HGD: variants seen among roughly 807,000 people sequenced by gnomAD.
HGD encodes homogentisate oxidase.
A neutral mutation model predicts 60.8 loss-of-function variants in HGD; 61 were observed. That is an observed-to-expected ratio of 1.00 (90% CI 0.82 to 1.24). The LOEUF is 1.24. HGD is among the 50% of genes most tolerant of loss of function. The pLI is 0.00. For missense variants in HGD, 542 were observed against 547.1 expected, an observed-to-expected ratio of 0.99 and a Z score of 0.09; for synonymous variants, 212 against 187.7, an observed-to-expected ratio of 1.13 and a Z score of -1.06.
intron 1 of HGD, among the ~76,000 whole-genome samples, chr3:120,677,620 G>A (rs980852427): frequency 5.9e-5 from 9 of 152,152 alleles, no homozygotes; most frequent in Admixed American, 5.2e-4. Context: ...ATTTCGCCTC[G>A]GTCCTGTGGT....
chr3:120,632,140 T>G (rs1209026444), intron 13 of HGD, among the ~76,000 whole-genome samples: 1 of 152,184 alleles, frequency 6.6e-6, no homozygotes, highest in East Asian at 1.9e-4. Context: ...AATGGGACTC[T>G]GAACACCCTC....
chr3:120,658,715 C>G (rs1559794192), intron 4 of HGD, among the ~76,000 whole-genome samples: 1 of 152,228 alleles, frequency 6.6e-6, no homozygotes, highest in East Asian at 1.9e-4. Context: ...TCTCTGTGAG[C>G]ACTCCGCCCC....
intron 11 of HGD, among the ~76,000 whole-genome samples, chr3:120,640,061 C>T (rs1940918873): frequency 1.3e-5 from 2 of 149,788 alleles, no homozygotes; most frequent in African/African-American, 4.9e-5. Flanking sequence ...TCAAGGAAGG[C>T]TTCAAAGAGG....
chr3:120,675,102 T>A (rs964296521), intron 2 of HGD, 113 bp from the exon 3 acceptor site: 2 of 733,810 alleles, frequency 2.7e-6, no homozygotes, highest in African/African-American at 3.4e-5. Flanking sequence ...CACATGACCA[T>A]CTGCAACCCG....
chr3:120,667,027 C>A (rs1707913824), intron 4 of HGD, among the ~76,000 whole-genome samples: 1 of 151,906 alleles, frequency 6.6e-6, no homozygotes, highest in Non-Finnish European at 1.5e-5. Context: ...TTTACTCATA[C>A]AATCAGACAA....
At chr3:120,673,208 T>C (rs1167492874) in intron 3 of HGD, among the ~76,000 whole-genome samples, 1 of 152,120 alleles carries the variant, frequency 6.6e-6, no homozygotes, top group African/African-American at 2.4e-5. Context: ...TTAGCTGAGT[T>C]TATAAAACTC....
chr3:120,640,185 C>A (rs1300465612), intron 11 of HGD, among the ~76,000 whole-genome samples: 3 of 131,570 alleles, frequency 2.3e-5, no homozygotes, highest in African/African-American at 8.5e-5. Flanking sequence ...TACCCTTGAA[C>A]CTAAAATAAA....
chr3:120,656,367 T>C (rs1402614704), intron 4 of HGD, among the ~76,000 whole-genome samples: 2 of 152,234 alleles, frequency 1.3e-5, no homozygotes, highest in Non-Finnish European at 2.9e-5. Flanking sequence ...TATATGCTAT[T>C]GTTAAATAGC....
chr3:120,630,798 T>TTATATATATATATATATATATACATA (rs1940560638), intron 13 of HGD, among the ~76,000 whole-genome samples: 1 of 88,028 alleles, frequency 1.1e-5, no homozygotes, highest in Non-Finnish European at 2.1e-5. Flanking sequence ...CTTAAGAGCT[T>TTATATATATATATATATATATACATA]TATATATATA....
At chr3:120,659,952 G>T (rs1253186744) in intron 4 of HGD, among the ~76,000 whole-genome samples, 2 of 146,482 alleles carry the variant, frequency 1.4e-5, no homozygotes, top group Middle Eastern at 3.5e-3. Context: ...GTGGGGGGTG[G>T]TTGCATAATG....
chr3:120,634,253 T>C (rs1326001473), intron 12 of HGD, among the ~76,000 whole-genome samples: 3 of 152,222 alleles, frequency 2.0e-5, no homozygotes, highest in African/African-American at 4.8e-5. Flanking sequence ...GTTAAATTCA[T>C]TGGTCCTAGT....
chr3:120,649,212 G>T (rs1184900488), intron 6 of HGD, among the ~76,000 whole-genome samples: 1 of 140,306 alleles, frequency 7.1e-6, no homozygotes, highest in African/African-American at 2.7e-5. Flanking sequence ...GCATGATCTC[G>T]GTTCACTGCA....
At chr3:120,646,498 CA>C in intron 8 of HGD, 132 bp from the exon 9 acceptor site, 1 of 685,860 alleles carries the variant, frequency 1.5e-6, no homozygotes, top group Non-Finnish European at 2.6e-6. Flanking sequence ...GGGAGGTGAC[CA>C]GAGCAAACAT....
At position 120,650,824 on chromosome 3, in the gene HGD, G is replaced by T. The variant is rs964941119; in HGVS notation, c.384C>A (p.Asn128Lys). Residue 128 changes from asparagine (N) to lysine (K), a missense_variant, in exon 6 of 14, where the codon AAC becomes AAA. Transcript: ENST00000283871. ...TLCGAGDIKSNNGLAIHIFLC... is the reference protein window; with the variant it reads ...TLCGAGDIKSKNGLAIHIFLC... ...GGAAAATGTGGATAGCAAGCCCATTGTTAGACTTTATGTCTCCAGCTCCAC... is the reference window on the plus strand; with the variant it reads ...GGAAAATGTGGATAGCAAGCCCATTTTTAGACTTTATGTCTCCAGCTCCAC... The T allele has an allele frequency of 6.2e-7, 1 of 1,613,986 alleles. No homozygotes were observed. Among genetic ancestry groups the T allele is most frequent in the African/African-American group, 1.3e-5 (1 of 74,936 alleles).
intron 13 of HGD, among the ~76,000 whole-genome samples, chr3:120,631,978 C>T (rs149438137): frequency 0.015 from 2,283 of 152,310 alleles, 63 homozygotes; most frequent in African/African-American, 0.051. Context: ...TATTGAGTGG[C>T]AACTCTAGAA....
At chr3:120,656,362 G>A (rs1941494430) in intron 4 of HGD, among the ~76,000 whole-genome samples, 1 of 152,044 alleles carries the variant, frequency 6.6e-6, no homozygotes, top group African/African-American at 2.4e-5. Context: ...TATACTATAT[G>A]CTATTGTTAA....
chr3:120,659,550 C>G (rs954034662), intron 4 of HGD, among the ~76,000 whole-genome samples: 1 of 152,214 alleles, frequency 6.6e-6, no homozygotes, highest in African/African-American at 2.4e-5. Context: ...GTTCATGTCA[C>G]TATTGGCATT....
At chr3:120,681,982 G>C in intron 1 of HGD, 115 bp downstream of exon 1, 2 of 920,034 alleles carry the variant, frequency 2.2e-6, no homozygotes, top group Non-Finnish European at 1.8e-6. Flanking sequence ...TGAACACAGG[G>C]GTTTGAACCA....
intron 4 of HGD, among the ~76,000 whole-genome samples, chr3:120,662,396 G>C (rs146154537): frequency 6.6e-6 from 1 of 152,242 alleles, no homozygotes; most frequent in African/African-American, 2.4e-5. Flanking sequence ...AGGAACCAGA[G>C]AGATCCTGAA....
Sources: allele counts gnomAD v4.1 joint callset (sites outside exome capture counted in the v4.1 genomes callset), GRCh38; gene constraint gnomAD v4.1.1; transcripts MANE v1.5; gene names NCBI Gene and HGNC (gene_info 2026-07-23, HGNC 2026-07-21).